WNT6: variants seen among roughly 807,000 people sequenced by gnomAD.
WNT6 encodes Wnt family member 6.
In WNT6, 27 loss-of-function variants were observed where a neutral mutation model predicts 33.1. That is an observed-to-expected ratio of 0.82 (90% confidence interval 0.60 to 1.12). The LOEUF (loss-of-function observed/expected upper bound fraction) is 1.12. Among genes scored for constraint, WNT6 ranks in the 50% most tolerant of loss-of-function variants. The pLI is 0.00. For synonymous variants in WNT6, 249 were observed against 242.8 expected, an observed-to-expected ratio of 1.03 and a Z score of -0.24; for missense variants, 494 against 535.3, an observed-to-expected ratio of 0.92 and a Z score of 0.76.
At chr2:218,866,645 A>T (rs960929626) in intron 1 of WNT6, among the ~76,000 whole-genome samples, 2 of 152,086 alleles carry the variant, frequency 1.3e-5, no homozygotes, top group Non-Finnish European at 2.9e-5. Context: ...GTTTCATTTG[A>T]CAGTTGAAGA....
intron 1 of WNT6, among the ~76,000 whole-genome samples, chr2:218,868,341 C>T (rs1467064970): frequency 6.6e-6 from 1 of 152,204 alleles, no homozygotes; most frequent in Non-Finnish European, 1.5e-5. Context: ...TCCACTCCCT[C>T]CTGCCTTCTT....
At chr2:218,866,001 G>T (rs190613671) in intron 1 of WNT6, among the ~76,000 whole-genome samples, 1,826 of 151,832 alleles carry the variant, frequency 0.012, 13 homozygotes, top group Non-Finnish European at 0.02. Context: ...TGGTGGTTTG[G>T]GTGGGGGTAG....
At position 218,871,986 on chromosome 2, in the gene WNT6, T is replaced by C. The variant is rs1254180104; in HGVS notation, c.636+167T>C. Among the ~76,000 whole-genome samples the C allele has an allele frequency of 6.7e-6, 1 of 150,018 alleles. No homozygotes were observed. The highest frequency in any genetic ancestry group is 2.5e-5 in the African/African-American group (1 of 40,676). On this transcript the variant is annotated intron_variant, in intron 3 of 3. Transcript: ENST00000233948. This position sits in a 1 kb window ranked among gnomAD's most constrained non-coding sequence, Gnocchi z 6.4. ...GATGGGCTGCAAGCATGGATGGACA[T>C]GTGGGAGGAGAGGTGTCCAGCCTCC...
rs540704699 is a variant in WNT6 at position 218,861,823 on chromosome 2, C to T, written c.80+1706C>T. Among the ~76,000 whole-genome samples the T allele has an allele frequency of 3.9e-5, 6 of 152,234 alleles. No individual in the cohort carries two copies. The South Asian group carries it at 6.2e-4, about 16-fold the overall frequency. Reference sequence around the variant, plus strand: ...TGTCCTCCTTCCATTGCCTTCTCTGCGCTCCCACTGTATCACATACATTGG... The same window carrying T: ...TGTCCTCCTTCCATTGCCTTCTCTGTGCTCCCACTGTATCACATACATTGG... On this transcript the variant is annotated intron_variant, in intron 1 of 3. Transcript: ENST00000233948.
chr2:218,860,595 C>G (rs6747776), intron 1 of WNT6, among the ~76,000 whole-genome samples: 52,561 of 152,008 alleles, frequency 0.35, 14,204 homozygotes, highest in African/African-American at 0.75. Flanking sequence ...TTAGTGACGA[C>G]AGAGGGAATA....
intron 3 of WNT6, among the ~76,000 whole-genome samples, chr2:218,872,445 C>A (rs1944410907): frequency 6.6e-6 from 1 of 152,174 alleles, no homozygotes; most frequent in African/African-American, 2.4e-5. Context: ...CCCAGCAACA[C>A]CAGCCCAGGT....
chr2:218,861,815 C>G (rs1486502196), intron 1 of WNT6, among the ~76,000 whole-genome samples: 1 of 152,142 alleles, frequency 6.6e-6, no homozygotes, highest in Non-Finnish European at 1.5e-5. Flanking sequence ...CTTCCATTGC[C>G]TTCTCTGCGC....
chr2:218,867,118 T>C lies in WNT6; in HGVS notation c.81-3909T>C, dbSNP rs1198738658. Among the ~76,000 whole-genome samples, 5 of 152,202 alleles carry C rather than the reference T, an allele frequency of 3.3e-5. No individual in the cohort carries two copies. Among genetic ancestry groups the C allele is most frequent in the African/African-American group, 9.7e-5 (4 of 41,438 alleles). ...TAGATTCAGAGTTAATCAACCTTGC[T>C]AGGGGTACGGGGCTGTGTGGAGGAT... On this transcript the variant is annotated intron_variant, in intron 1 of 3. Transcript: ENST00000233948. This position sits in a 1 kb window ranked among gnomAD's most constrained non-coding sequence, Gnocchi z 4.9.
At position 218,873,705 on chromosome 2, in the gene WNT6, T is replaced by C. The variant is rs1227293965; in HGVS notation, c.958T>C (p.Cys320Arg). 27 of 1,575,002 alleles carry C rather than the reference T, an allele frequency of 1.7e-5. No individual in the cohort carries two copies. Among genetic ancestry groups the C allele is most frequent in the Non-Finnish European group, 2.1e-5 (25 of 1,167,240 alleles). ...CNSSAPDLSG[C>R]DLLCCGRGHR... Reference sequence around the variant, plus strand: ...TAGCAGCGCCCCGGACCTCAGCGGCTGCGACCTGCTGTGCTGCGGCCGCGG... The same window carrying C: ...TAGCAGCGCCCCGGACCTCAGCGGCCGCGACCTGCTGTGCTGCGGCCGCGG... The change falls in exon 4 of 4, where the codon TGC (cysteine) becomes CGC (arginine). Residue 320 changes from cysteine (C) to arginine (R), a missense_variant. Cys to Arg is a radical substitution (Grantham distance 180). Transcript: ENST00000233948. This position sits in a 1 kb window ranked among gnomAD's most constrained non-coding sequence, Gnocchi z 6.1.
In WNT6 at chr2:218,871,638, C is replaced by T. The variant is rs1666687240; in HGVS notation, c.455C>T (p.Pro152Leu). ...PPRPSGLPGT[P>L]GPPGPAGSPE... is the part of the protein sequence containing the mutation. ...CGGCCCTCCGGCCTGCCCGGCACCC[C>T]CGGACCCCCTGGCCCCGCGGGCTCC... Residue 152 changes from proline (P) to leucine (L), a missense_variant, in exon 3 of 4, where the codon CCC (proline) becomes CTC (leucine). Physicochemically the swap from Pro to Leu is moderately conservative, Grantham distance 98. Coordinates refer to ENST00000233948, the MANE Select transcript of WNT6 (RefSeq NM_006522.4). This position sits in a 1 kb window ranked among gnomAD's most constrained non-coding sequence, Gnocchi z 6.4. 2.7e-6 allele frequency: 4 copies of T among 1,484,390 alleles called. No homozygotes were observed. Among genetic ancestry groups the T allele is most frequent in the Non-Finnish European group, 3.6e-6 (4 of 1,121,904 alleles). The allele number at this position is 1,484,390 out of a possible 1,614,324, so 92.0% of individuals were successfully genotyped here.
rs768769875 is a variant in WNT6, at chr2:218,873,722, C to G, written c.975C>G (p.Cys325Trp). 6.4e-7 allele frequency: 1 copy of G among 1,574,216 alleles called. No individual in the cohort carries two copies. The highest frequency in any genetic ancestry group is 1.1e-5 in the South Asian group (1 of 87,370). ...PDLSGCDLLC[C>W]GRGHRQESVQ... is the part of the protein sequence containing the mutation. ...TCAGCGGCTGCGACCTGCTGTGCTG[C>G]GGCCGCGGGCACCGCCAGGAGAGCG... is the stretch of plus-strand genomic sequence containing the variant. Residue 325 changes from cysteine (C) to tryptophan (W), a missense_variant, in exon 4 of 4, where the codon TGC becomes TGG. Coordinates refer to ENST00000233948, the MANE Select transcript of WNT6 (RefSeq NM_006522.4). This position sits in a 1 kb window ranked among gnomAD's most constrained non-coding sequence, Gnocchi z 6.1.
At chr2:218,863,493 G>A (rs1944328132) in intron 1 of WNT6, among the ~76,000 whole-genome samples, 1 of 152,180 alleles carries the variant, frequency 6.6e-6, no homozygotes, top group African/African-American at 2.4e-5. Context: ...TTCCTGAGAA[G>A]TTTCTCTCCC....
At position 218,871,699 on chromosome 2, in the gene WNT6, C is replaced by T. The variant is rs779014492; in HGVS notation, c.516C>T (p.Cys172=). Residue 172 remains cysteine, a synonymous_variant, in exon 3 of 4, where the codon TGC becomes TGT. Coordinates refer to ENST00000233948, the MANE Select transcript of WNT6 (RefSeq NM_006522.4). The surrounding 1 kb of genome is among the most constrained non-coding windows in gnomAD (Gnocchi z 6.4). ...GCGCCGCCTGGGAGTGGGGAGGCTGCGGCGACGACGTGGACTTCGGGGACG... is the reference window on the plus strand; with the variant it reads ...GCGCCGCCTGGGAGTGGGGAGGCTGTGGCGACGACGTGGACTTCGGGGACG... ...EGSAAWEWGG[C]GDDVDFGDEK... 2.5e-6 allele frequency: 4 copies of T among 1,580,672 alleles called. No homozygotes were observed. The highest frequency in any genetic ancestry group is 3.4e-6 in the Non-Finnish European group (4 of 1,164,690).
chr2:218,863,281 A>G (rs567233437), intron 1 of WNT6, among the ~76,000 whole-genome samples: 5 of 151,994 alleles, frequency 3.3e-5, no homozygotes, highest in African/African-American at 9.6e-5. Flanking sequence ...TCTTCTCCCT[A>G]CTTGTCAGAG....
chr2:218,862,405 G>A (rs1031377635), intron 1 of WNT6, among the ~76,000 whole-genome samples: 2 of 151,952 alleles, frequency 1.3e-5, no homozygotes, highest in Non-Finnish European at 2.9e-5. Context: ...GAGTGCAGTG[G>A]TGCGATCTTG....
chr2:218,871,764 G>A lies in WNT6; in HGVS notation c.581G>A (p.Gly194Glu). Residue 194 changes from glycine (G) to glutamate (E), a missense_variant, in exon 3 of 4, where the codon GGA (glycine) becomes GAA (glutamate). Transcript: ENST00000233948. The surrounding 1 kb of genome is among the most constrained non-coding windows in gnomAD (Gnocchi z 6.4). ...RLFMDARHKRGRGDIRALVQL... is the reference protein window; with the variant it reads ...RLFMDARHKRERGDIRALVQL... ...TTTATGGACGCGCGGCACAAGCGGG[G>A]ACGCGGAGACATCCGCGCGTTGGTG... 1.2e-6 allele frequency: 2 copies of A among 1,602,876 alleles called. No homozygotes were observed. The highest frequency in any genetic ancestry group is 1.7e-6 in the Non-Finnish European group (2 of 1,175,772).
At position 218,871,608 on chromosome 2, in the gene WNT6, C is replaced by A; in HGVS notation, c.425C>A (p.Pro142His). The A allele has an allele frequency of 6.7e-7, 1 of 1,483,888 alleles. No homozygotes were observed. The highest frequency in any genetic ancestry group is 1.3e-5 in the South Asian group (1 of 74,530). 91.9% of individuals were successfully genotyped at this position (1,483,888 alleles called of 1,614,324 possible). A position where few individuals can be genotyped will look rare whatever the true frequency, so the allele number is the denominator to read the frequency against. Reference sequence around the variant, plus strand: ...TGCCAGGCGCCCCGCGGGCGGGCCCCTCCCCGGCCCTCCGGCCTGCCCGGC... The same window carrying A: ...TGCCAGGCGCCCCGCGGGCGGGCCCATCCCCGGCCCTCCGGCCTGCCCGGC... ...CGCQAPRGRA[P>H]PRPSGLPGTP... The change falls in exon 3 of 4, where the codon CCT (proline) becomes CAT (histidine). Residue 142 changes from proline to histidine, a missense_variant. Transcript: ENST00000233948. This position sits in a 1 kb window ranked among gnomAD's most constrained non-coding sequence, Gnocchi z 6.4.
intron 1 of WNT6, among the ~76,000 whole-genome samples, chr2:218,870,083 TG>T (rs1280697183): frequency 1.3e-5 from 2 of 152,062 alleles, no homozygotes; most frequent in Admixed American, 6.5e-5. Flanking sequence ...TAGCCAGGCC[TG>T]GTGGTGCACA....
chr2:218,865,479 G>T (rs1045811030), intron 1 of WNT6, among the ~76,000 whole-genome samples: 8 of 152,228 alleles, frequency 5.3e-5, no homozygotes, highest in African/African-American at 1.9e-4. Flanking sequence ...GATCTAGAAA[G>T]CACTTACAGA....
Sources: allele counts gnomAD v4.1 joint callset (sites outside exome capture counted in the v4.1 genomes callset), GRCh38; gene constraint gnomAD v4.1.1; non-coding constraint Gnocchi (gnomAD v3.1); transcripts MANE v1.5; gene names NCBI Gene and HGNC (gene_info 2026-07-23, HGNC 2026-07-21).